DSE: variants seen among roughly 807,000 people sequenced by gnomAD.
The protein encoded by DSE is dermatan sulfate epimerase.
DSE carries 36 observed loss-of-function variants against 84.4 expected under a neutral mutation model. The ratio of observed to expected loss-of-function variants is 0.43; its 90% CI spans 0.33 to 0.56. DSE has a LOEUF of 0.56. DSE is among the 20% of genes least tolerant of loss of function. The probability of loss-of-function intolerance (pLI) is 0.06; values close to 1 mark genes in which losing one functional copy is unlikely to be tolerated. For missense variants in DSE, 862 were observed against 1,169.6 expected (o/e 0.74, Z 3.84); for synonymous variants, 410 against 430.1 (o/e 0.95, Z 0.58).
rs368400476 is a variant in DSE, at chr6:116,426,788, A to G, written c.631A>G (p.Met211Val). ...YLHNHQPTNC[M>V]ALLTGSLVLM... ...GCACAATCATCAGCCCACCAACTGTATGGCTTTGCTCACGGGAAGCCTAGT... is the reference window on the plus strand; with the variant it reads ...GCACAATCATCAGCCCACCAACTGTGTGGCTTTGCTCACGGGAAGCCTAGT... Residue 211 changes from methionine (M) to valine (V), a missense_variant, in exon 3 of 6, where the codon ATG becomes GTG. By Grantham distance (21) the Met-to-Val change is conservative. This residue lies in a region of DSE where 309 missense variants were observed against 516.9 expected (regional missense o/e 0.60). Coordinates refer to ENST00000644252, the MANE Select transcript of DSE (RefSeq NM_013352.4). The G allele has an allele frequency of 1.9e-6, 3 of 1,614,176 alleles. No homozygotes were observed. Among genetic ancestry groups the G allele is most frequent in the Middle Eastern group, 1.6e-4 (1 of 6,062 alleles).
At chr6:116,324,141 CAT>C (rs1308339249) in intron 2 of DSE, among the ~76,000 whole-genome samples, 2 of 152,192 alleles carry the variant, frequency 1.3e-5, no homozygotes, top group East Asian at 3.9e-4. Context: ...TTCGTATTAA[CAT>C]GTGGGAAACA....
At chr6:116,376,185 G>A (rs1255697011) in intron 1 of DSE, among the ~76,000 whole-genome samples, 2 of 152,066 alleles carry the variant, frequency 1.3e-5, no homozygotes, top group Non-Finnish European at 2.9e-5. Flanking sequence ...CCGCAGCCCC[G>A]TCCTCTTCCA....
chr6:116,376,594 G>A (rs1051578658), intron 1 of DSE, among the ~76,000 whole-genome samples: 2 of 152,190 alleles, frequency 1.3e-5, no homozygotes, highest in African/African-American at 2.4e-5. Context: ...ATTACCACTG[G>A]ATTTCCTTCT....
exon 2 of DSE, chr6:116,258,650 T>C (rs1410432430): frequency 6.2e-7 from 1 of 1,612,430 alleles, no homozygotes; most frequent in African/African-American, 1.3e-5. Context: ...CGAGCACCTG[T>C]GCACAGCAGC....
In DSE at chr6:116,436,356, T is replaced by G; in HGVS notation, c.1888T>G (p.Phe630Val). Residue 630 changes from phenylalanine to valine, a missense_variant, in exon 6 of 6, where the codon TTT (phenylalanine) becomes GTT (valine). Phe to Val is a conservative substitution (Grantham distance 50). Around this residue, in one of 4 missense-constraint regions of DSE, gnomAD observed 186 missense variants for 255.1 expected, o/e 0.73. Coordinates refer to ENST00000644252, the MANE Select transcript of DSE (RefSeq NM_013352.4). Reference protein sequence around the residue: ...DDTGYSEKATFASVTYPRGYP... With the variant: ...DDTGYSEKATVASVTYPRGYP... ...TACTGGCTACAGCGAGAAAGCAACC[T>G]TTGCCTCAGTGACATATCCTCGGGG... 6.2e-7 allele frequency: 1 copy of G among 1,614,130 alleles called. No individual in the cohort carries two copies. The highest frequency in any genetic ancestry group is 8.5e-7 in the Non-Finnish European group (1 of 1,180,016).
At chr6:116,326,521 A>G (rs1303963514) in intron 2 of DSE, among the ~76,000 whole-genome samples, 1 of 152,094 alleles carries the variant, frequency 6.6e-6, no homozygotes, top group African/African-American at 2.4e-5. Context: ...GTCTCTTTTC[A>G]CTGTTTTGTG....
chr6:116,437,088 G>A lies in DSE; in HGVS notation c.2620G>A (p.Gly874Ser), dbSNP rs779782263. ...AACATACGAGAAACATAAAAATGGG[G>A]GCTTGATTAAAGGCCGGTTTGGACA... ...DVTYEKHKNG[G>S]LIKGRFGQAR... The change falls in exon 6 of 6, where the codon GGC becomes AGC. Residue 874 changes from glycine (G) to serine (S), a missense_variant. Physicochemically the swap from Gly to Ser is moderately conservative, Grantham distance 56. Around this residue, in one of 4 missense-constraint regions of DSE, gnomAD observed 315 missense variants for 348.1 expected, o/e 0.90. Transcript: ENST00000644252. 7 of 1,609,362 alleles carry A rather than the reference G, an allele frequency of 4.3e-6. No homozygotes were observed. The highest frequency in any genetic ancestry group is 3.3e-5 in the Admixed American group (2 of 59,774).
intron 2 of DSE, among the ~76,000 whole-genome samples, chr6:116,324,628 G>A (rs1441423954): frequency 6.6e-6 from 1 of 152,180 alleles, no homozygotes; most frequent in Non-Finnish European, 1.5e-5. Flanking sequence ...AATACAAAGA[G>A]AGCTGGCTTT....
intron 1 of DSE, among the ~76,000 whole-genome samples, chr6:116,388,313 C>T (rs189511650): frequency 1.4e-4 from 21 of 152,108 alleles, no homozygotes; most frequent in Non-Finnish European, 2.8e-4. Flanking sequence ...GCAGTTAGGC[C>T]GAGAGAAAAT....
intron 2 of DSE, among the ~76,000 whole-genome samples, chr6:116,412,136 A>G (rs1387797823): frequency 6.6e-6 from 1 of 152,218 alleles, no homozygotes; most frequent in Non-Finnish European, 1.5e-5. Context: ...CTGTATTCCC[A>G]GGACAAAAAA....
At chr6:116,321,755 A>G (rs531258006) in intron 2 of DSE, among the ~76,000 whole-genome samples, 1 of 152,240 alleles carries the variant, frequency 6.6e-6, no homozygotes, top group East Asian at 1.9e-4. Context: ...GCCCGGGTGG[A>G]CAGTGTGAGA....
intron 2 of DSE, among the ~76,000 whole-genome samples, chr6:116,418,448 A>G (rs1485296190): frequency 6.6e-6 from 1 of 152,210 alleles, no homozygotes; most frequent in Non-Finnish European, 1.5e-5. Context: ...AGAGTAGTAC[A>G]TTAGGTGTGC....
intron 1 of DSE, among the ~76,000 whole-genome samples, chr6:116,257,754 C>A (rs1357565238): frequency 2.0e-5 from 3 of 152,164 alleles, no homozygotes; most frequent in Non-Finnish European, 4.4e-5. Context: ...TGGCACTAAT[C>A]TCATTAGGGC....
chr6:116,346,066 T>C (rs1226627567), intron 2 of DSE, among the ~76,000 whole-genome samples: 1 of 151,870 alleles, frequency 6.6e-6, no homozygotes, highest in Non-Finnish European at 1.5e-5. Context: ...AAGACTAAAC[T>C]AGGAAGAAGT....
intron 3 of DSE, among the ~76,000 whole-genome samples, chr6:116,430,493 G>A (rs1167843249): frequency 6.6e-6 from 1 of 152,062 alleles, no homozygotes; most frequent in African/African-American, 2.4e-5. Context: ...ATTAAAGACT[G>A]GAAAGTGACT....
At chr6:116,259,881 A>G (rs181185032) in intron 2 of DSE, among the ~76,000 whole-genome samples, 68 of 152,262 alleles carry the variant, frequency 4.5e-4, no homozygotes, top group Admixed American at 3.5e-3. Context: ...TTCTTTATCT[A>G]GCCTATCATT....
intron 2 of DSE, among the ~76,000 whole-genome samples, chr6:116,334,908 C>G (rs1406137611): frequency 1.3e-5 from 2 of 152,012 alleles, no homozygotes; most frequent in African/African-American, 4.8e-5. Context: ...GACAAAGTTG[C>G]AAAGAAGGAA....
intron 2 of DSE, among the ~76,000 whole-genome samples, chr6:116,311,671 C>T (rs1445584195): frequency 6.6e-6 from 1 of 152,196 alleles, no homozygotes; most frequent in Non-Finnish European, 1.5e-5. Context: ...GTGCTCCAAC[C>T]TCTGCTTTCC....
chr6:116,277,908 CAAAAAAAAAAAAAAAAAA>C (rs57691187), intron 2 of DSE: 4 of 57,358 alleles, frequency 7.0e-5, no homozygotes, highest in African/African-American at 1.7e-4. Context: ...TCCTCCGTCT[CAAAAAAAAAAAAAAAAAA>C]AAAAAAAAGG....
Sources: gnomAD v4.1 joint callset for allele counts (sites outside exome capture counted in the v4.1 genomes callset) on GRCh38, gnomAD v4.1.1 for gene constraint, gnomAD v4.1.1 regional missense constraint, MANE v1.5 for transcripts, NCBI Gene and HGNC (gene_info 2026-07-23, HGNC 2026-07-21) for gene names.